PDE7B: variants seen among roughly 807,000 people sequenced by gnomAD.
The protein encoded by PDE7B is 3',5'-cyclic-AMP phosphodiesterase 7B.
In PDE7B, 29 loss-of-function variants were observed where a neutral mutation model predicts 56.2. That is an observed-to-expected ratio of 0.52 (90% CI 0.38 to 0.70). The LOEUF is 0.70. PDE7B is among the 30% of genes least tolerant of loss of function. PDE7B has a pLI of 0.00. For synonymous variants in PDE7B, 197 were observed against 196.9 expected, an observed-to-expected ratio of 1.00 and a Z score of 0.00; for missense variants, 490 against 565.0, an observed-to-expected ratio of 0.87 and a Z score of 1.35.
At chr6:136,162,395 G>A (rs555938016) in intron 8 of PDE7B, 124 of 152,236 alleles carry the variant, frequency 8.1e-4, no homozygotes, top group African/African-American at 2.8e-3. Context: ...CAGATGTAAT[G>A]AGAACTCATG....
intron 8 of PDE7B, among the ~76,000 whole-genome samples, chr6:136,171,521 T>A (rs17795337): frequency 0.021 from 3,177 of 152,296 alleles, 219 homozygotes; most frequent in Admixed American, 0.12. Context: ...GTCAGTGCAG[T>A]AGATTAGACC....
chr6:135,908,235 T>C (rs938104712), intron 1 of PDE7B, among the ~76,000 whole-genome samples: 1 of 151,554 alleles, frequency 6.6e-6, no homozygotes, highest in Non-Finnish European at 1.5e-5. Flanking sequence ...ATTACAGGCA[T>C]GTGCCACCAC....
rs1457746105 is a variant in PDE7B at position 135,935,218 on chromosome 6, T to TATA, written c.22-12246_22-12245insATA. 1.6e-3 allele frequency among the ~76,000 whole-genome samples: 57 copies of TATA among 34,732 alleles called. 13 individuals are homozygous for TATA. Among genetic ancestry groups the TATA allele is most frequent in the South Asian group, 0.015 (13 of 890 alleles). The allele number at this position is 34,732 out of a possible 152,430, so 22.8% of individuals were successfully genotyped here. A position where few individuals can be genotyped will look rare whatever the true frequency, so the allele number is the denominator to read the frequency against. Reference sequence around the variant, plus strand: ...TATATATATATATATATATATATATTTTCATGATTCTTGCTCTCCAGGAAA... The same window carrying TATA: ...TATATATATATATATATATATATATTATATTCATGATTCTTGCTCTCCAGGAAA... On this transcript the variant is annotated intron_variant, in intron 1 of 12. Coordinates refer to ENST00000308191, the MANE Select transcript of PDE7B (RefSeq NM_018945.4).
intron 2 of PDE7B, among the ~76,000 whole-genome samples, chr6:136,027,453 A>G (rs1245059855): frequency 6.6e-6 from 1 of 152,220 alleles, no homozygotes; most frequent in Non-Finnish European, 1.5e-5. Context: ...CAAATAAAAA[A>G]TAATCAGCAA....
At chr6:136,078,729 AG>A (rs1356546782) in intron 2 of PDE7B, among the ~76,000 whole-genome samples, 5 of 151,814 alleles carry the variant, frequency 3.3e-5, no homozygotes, top group Non-Finnish European at 7.4e-5. Context: ...GTAGGTCATA[AG>A]GGGTAGAATT....
At chr6:135,926,244 G>A (rs377295826) in intron 1 of PDE7B, among the ~76,000 whole-genome samples, 83 of 151,790 alleles carry the variant, frequency 5.5e-4, no homozygotes, top group African/African-American at 1.6e-3. Flanking sequence ...CCGCCACCAC[G>A]CCCAGCTAAT....
At chr6:135,873,924 T>C (rs576561143) in intron 1 of PDE7B, among the ~76,000 whole-genome samples, 8 of 152,340 alleles carry the variant, frequency 5.3e-5, no homozygotes, top group African/African-American at 1.7e-4. Context: ...CTAAGCTAGA[T>C]GTTGTTCTAG....
chr6:136,080,107 A>G (rs542681580), intron 2 of PDE7B, among the ~76,000 whole-genome samples: 8 of 152,206 alleles, frequency 5.3e-5, no homozygotes, highest in African/African-American at 1.9e-4. Flanking sequence ...TCCAGTGTTA[A>G]GCTCTCAAGC....
At chr6:135,874,427 T>C (rs1775451791) in intron 1 of PDE7B, among the ~76,000 whole-genome samples, 1 of 152,198 alleles carries the variant, frequency 6.6e-6, no homozygotes, top group South Asian at 2.1e-4. Context: ...AAAGAGGGTA[T>C]ATTCACTGTG....
At chr6:135,858,519 A>C (rs548793035) in intron 1 of PDE7B, among the ~76,000 whole-genome samples, 1 of 152,218 alleles carries the variant, frequency 6.6e-6, no homozygotes, top group Non-Finnish European at 1.5e-5. Context: ...AATTTCTCCC[A>C]TGTACCTTTG....
intron 5 of PDE7B, among the ~76,000 whole-genome samples, 161 bp from the exon 6 acceptor site, chr6:136,150,999 T>A (rs138893321): frequency 6.6e-6 from 1 of 152,168 alleles, no homozygotes; most frequent in African/African-American, 2.4e-5. Context: ...TAGGATCAGA[T>A]CATAGTAATA....
At chr6:136,057,933 C>T (rs905027321) in intron 2 of PDE7B, among the ~76,000 whole-genome samples, 3 of 152,112 alleles carry the variant, frequency 2.0e-5, no homozygotes, top group African/African-American at 4.8e-5. Flanking sequence ...GACGGGGTTT[C>T]ACCATGTTTT....
intron 11 of PDE7B, among the ~76,000 whole-genome samples, chr6:136,181,738 T>G (rs1297444605): frequency 6.6e-6 from 1 of 150,714 alleles, no homozygotes; most frequent in Admixed American, 6.6e-5. Flanking sequence ...AGACTCCTTT[T>G]GTATTCCTTC....
At chr6:135,935,177 TATATATATTTA>T (rs1774392917) in intron 1 of PDE7B, among the ~76,000 whole-genome samples, 1 of 55,084 alleles carries the variant, frequency 1.8e-5, no homozygotes, top group African/African-American at 1.0e-4. Flanking sequence ...GAATTTTATA[TATATATATTTA>T]TTTATATATA....
rs562595312 is a variant in PDE7B, at chr6:136,054,117, T to G, written c.83-54614T>G. On this transcript the variant is annotated intron_variant, in intron 2 of 12. Transcript: ENST00000308191. ...GCCATTGCTTTTGGTGTTTTAGACA[T>G]GAAGTTCTTGCCCATGCTTATGTCC... Among the ~76,000 whole-genome samples, 132 of 152,364 alleles carry G rather than the reference T, an allele frequency of 8.7e-4. 1 individual carries two copies. Among genetic ancestry groups the G allele is most frequent in the Middle Eastern group, 3.4e-3 (1 of 294 alleles).
At chr6:136,176,982 A>G (rs1778987887) in intron 9 of PDE7B, among the ~76,000 whole-genome samples, 1 of 152,038 alleles carries the variant, frequency 6.6e-6, no homozygotes, top group South Asian at 2.1e-4. Context: ...TGTTTTATAT[A>G]ATTTTTTATG....
At chr6:136,067,201 A>T (rs1385275787) in intron 2 of PDE7B, among the ~76,000 whole-genome samples, 1 of 152,220 alleles carries the variant, frequency 6.6e-6, no homozygotes, top group East Asian at 1.9e-4. Context: ...TTGGGAATGT[A>T]TCTTTCTCCT....
intron 2 of PDE7B, among the ~76,000 whole-genome samples, chr6:135,975,296 T>A (rs1015784610): frequency 2.6e-5 from 4 of 152,134 alleles, no homozygotes; most frequent in African/African-American, 9.7e-5. Context: ...AACTTACACT[T>A]TAGGGGTTCT....
chr6:136,061,559 A>G lies in PDE7B; in HGVS notation c.83-47172A>G, dbSNP rs77812883. On this transcript the variant is annotated intron_variant, in intron 2 of 12. Coordinates refer to ENST00000308191, the MANE Select transcript of PDE7B (RefSeq NM_018945.4). ...GGGCAGTATTGCCTGCCAAACATGA[A>G]ATTCAGATGTAAAAATTGGGACAAC... Among the ~76,000 whole-genome samples, 1,003 of 152,278 alleles carry G rather than the reference A, an allele frequency of 6.6e-3. 8 individuals are homozygous for G. The highest frequency in any genetic ancestry group is 0.011 in the Non-Finnish European group (745 of 68,024).
Sources: allele counts gnomAD v4.1 joint callset (sites outside exome capture counted in the v4.1 genomes callset), GRCh38; gene constraint gnomAD v4.1.1; transcripts MANE v1.5; gene names NCBI Gene and HGNC (gene_info 2026-07-23, HGNC 2026-07-21).